FRMD4B: variants seen among roughly 807,000 people sequenced by gnomAD.
The protein encoded by FRMD4B is FERM domain containing 4B, also known as FERM domain-containing protein 4B.
FRMD4B carries 74 observed loss-of-function variants against 141.5 expected under a neutral mutation model. That is an observed-to-expected ratio of 0.52 (90% CI 0.43 to 0.63). The LOEUF (loss-of-function observed/expected upper bound fraction) is 0.63, where lower values mean the gene tolerates loss of function less well. Ranked by LOEUF, FRMD4B falls within the 30% of genes least tolerant of loss-of-function variation. The pLI is 0.00. For synonymous variants in FRMD4B, 506 were observed against 467.9 expected, an observed-to-expected ratio of 1.08 and a Z score of -1.05; for missense variants, 1,366 against 1,253.4, an observed-to-expected ratio of 1.09 and a Z score of -1.36.
chr3:69,307,499 C>T (rs1461344622), intron 3 of FRMD4B, among the ~76,000 whole-genome samples: 2 of 152,024 alleles, frequency 1.3e-5, no homozygotes, highest in East Asian at 3.9e-4. Context: ...CACCACCACG[C>T]CCAGCTAATT....
intron 1 of FRMD4B, among the ~76,000 whole-genome samples, chr3:69,483,907 G>T (rs1267940686): frequency 6.6e-6 from 1 of 152,074 alleles, no homozygotes; most frequent in Non-Finnish European, 1.5e-5. Context: ...CCAGAACCCT[G>T]CTCAGTGAGG....
intron 5 of FRMD4B, among the ~76,000 whole-genome samples, chr3:69,259,551 CAT>C (rs2093513162): frequency 1.3e-5 from 2 of 152,184 alleles, no homozygotes; most frequent in African/African-American, 4.8e-5. Context: ...TTCTTAAATT[CAT>C]ATGTCTGTTT....
intron 5 of FRMD4B, among the ~76,000 whole-genome samples, chr3:69,272,768 A>T (rs958574396): frequency 1.3e-5 from 2 of 152,262 alleles, no homozygotes; most frequent in Admixed American, 6.5e-5. Context: ...TGGACCAGTT[A>T]CAGAAAGATA....
chr3:69,377,871 C>A (rs1704014443), intron 1 of FRMD4B, among the ~76,000 whole-genome samples: 1 of 151,622 alleles, frequency 6.6e-6, no homozygotes, highest in Non-Finnish European at 1.5e-5. Flanking sequence ...AGTGCAATGA[C>A]GTGATCTCTG....
At chr3:69,342,416 A>G (rs1454821240) in intron 1 of FRMD4B, among the ~76,000 whole-genome samples, 1 of 152,210 alleles carries the variant, frequency 6.6e-6, no homozygotes, top group Non-Finnish European at 1.5e-5. Flanking sequence ...GCTAATGAAT[A>G]ACTGGTTTCT....
chr3:69,472,350 G>T, intron 1 of FRMD4B: 1 of 484,458 alleles, frequency 2.1e-6, no homozygotes, highest in South Asian at 1.6e-5. Context: ...GATTCTTGTT[G>T]GATATATCAC....
intron 11 of FRMD4B, among the ~76,000 whole-genome samples, chr3:69,205,079 AAG>A (rs1046104496): frequency 2.6e-5 from 4 of 151,230 alleles, no homozygotes; most frequent in Non-Finnish European, 5.9e-5. Flanking sequence ...AAAAAAGAAA[AAG>A]AGAAAAAAAG....
chr3:69,521,676 T>C (rs1382635504), intron 1 of FRMD4B, among the ~76,000 whole-genome samples: 1 of 152,166 alleles, frequency 6.6e-6, no homozygotes, highest in African/African-American at 2.4e-5. Flanking sequence ...ACTCAATATG[T>C]TCCAGCCACA....
chr3:69,410,095 GCACAGAACAGAC>G (rs1177876028), intron 2 of FRMD4B, among the ~76,000 whole-genome samples: 2 of 152,172 alleles, frequency 1.3e-5, no homozygotes. Context: ...ATTTCCTAGT[GCACAGAACAGAC>G]CCCTGGCTTG....
chr3:69,453,599 T>A (rs1264605420), intron 1 of FRMD4B, among the ~76,000 whole-genome samples: 1 of 152,150 alleles, frequency 6.6e-6, no homozygotes, highest in African/African-American at 2.4e-5. Flanking sequence ...GTTACAAGTT[T>A]AAAAAATCCC....
intron 6 of FRMD4B, 28 bp from the exon 7 acceptor site, chr3:69,249,276 G>A (rs576662600): frequency 6.7e-7 from 1 of 1,486,276 alleles, no homozygotes. Context: ...AAACAGAGTT[G>A]ATCAATATGT....
intron 1 of FRMD4B, among the ~76,000 whole-genome samples, chr3:69,456,640 G>A (rs773694620): frequency 1.3e-5 from 2 of 150,000 alleles, no homozygotes; most frequent in Non-Finnish European, 2.9e-5. Flanking sequence ...GTTCGCCATT[G>A]TATACACCAC....
At chr3:69,497,480 T>G (rs1408438602) in intron 1 of FRMD4B, among the ~76,000 whole-genome samples, 2 of 152,290 alleles carry the variant, frequency 1.3e-5, no homozygotes, top group Non-Finnish European at 2.9e-5. Context: ...CCCAGTTATA[T>G]GCAGTGGTGG....
At chr3:69,316,100 GT>G (rs1701796281) in intron 1 of FRMD4B, among the ~76,000 whole-genome samples, 1 of 152,154 alleles carries the variant, frequency 6.6e-6, no homozygotes, top group Non-Finnish European at 1.5e-5. Flanking sequence ...TGAATTTATA[GT>G]TTTGATCGAA....
rs1208687350 is a variant in FRMD4B at position 69,171,934 on chromosome 3, A to C, written c.3032T>G (p.Leu1011Arg). 6.2e-7 allele frequency: 1 copy of C among 1,613,072 alleles called. No homozygotes were observed. Among genetic ancestry groups the C allele is most frequent in the African/African-American group, 1.3e-5 (1 of 75,036 alleles). ...SQLDGTDGNQLEDNLESSEQR... is the reference protein window; with the variant it reads ...SQLDGTDGNQREDNLESSEQR... ...CTCACTACTCTCCAGGTTGTCTTCC[A>C]GCTGGTTTCCATCTGTACCATCCAG... Residue 1011 changes from leucine (L) to arginine (R), a missense_variant, in exon 23 of 23, where the codon CTG becomes CGG. Physicochemically the swap from Leu to Arg is moderately radical, Grantham distance 102 (BLOSUM62 -2). Transcript: ENST00000398540.
intron 19 of FRMD4B, among the ~76,000 whole-genome samples, chr3:69,186,041 CAAAA>C (rs551712481): frequency 1.2e-5 from 1 of 81,606 alleles, no homozygotes; most frequent in African/African-American, 4.4e-5. Flanking sequence ...GACTCTGTCT[CAAAA>C]AAAAAAAAAA....
At chr3:69,355,032 A>G (rs1575760220) in intron 1 of FRMD4B, among the ~76,000 whole-genome samples, 2 of 152,342 alleles carry the variant, frequency 1.3e-5, no homozygotes, top group Non-Finnish European at 1.5e-5. Context: ...AAAAGGAAAA[A>G]AAAAAAAGCT....
intron 5 of FRMD4B, among the ~76,000 whole-genome samples, chr3:69,258,673 C>T (rs1373944777): frequency 2.0e-5 from 3 of 152,078 alleles, no homozygotes; most frequent in African/African-American, 7.2e-5. Flanking sequence ...TCTGTTTGAT[C>T]TGAGTTGCGT....
chr3:69,280,797 T>G (rs775716386), intron 5 of FRMD4B, among the ~76,000 whole-genome samples: 1 of 151,546 alleles, frequency 6.6e-6, no homozygotes, highest in Admixed American at 6.6e-5. Flanking sequence ...TTTTTGTATT[T>G]TTTGTAGAGA....
Sources: gnomAD v4.1 joint callset for allele counts (sites outside exome capture counted in the v4.1 genomes callset) on GRCh38, gnomAD v4.1.1 for gene constraint, MANE v1.5 for transcripts, NCBI Gene and HGNC (gene_info 2026-07-23, HGNC 2026-07-21) for gene names.